VSTM2L: variants seen among roughly 807,000 people sequenced by gnomAD.
The protein encoded by VSTM2L is V-set and transmembrane domain containing 2 like.
In VSTM2L, 9 loss-of-function variants were observed where a neutral mutation model predicts 19.9. That is an observed-to-expected ratio of 0.45 (90% CI 0.27 to 0.79). The LOEUF is 0.79. Ranked by LOEUF, VSTM2L falls within the 30% of genes least tolerant of loss-of-function variation. VSTM2L has a pLI of 0.15. For missense variants in VSTM2L, 286 were observed against 295.5 expected, an observed-to-expected ratio of 0.97 and a Z score of 0.24; for synonymous variants, 127 against 133.8, an observed-to-expected ratio of 0.95 and a Z score of 0.35.
intron 3 of VSTM2L, among the ~76,000 whole-genome samples, chr20:37,940,668 C>T (rs1034437625): frequency 1.3e-5 from 2 of 152,222 alleles, no homozygotes; most frequent in African/African-American, 4.8e-5. Context: ...TATGTGTATT[C>T]ACCCTGCTAT....
intron 1 of VSTM2L, among the ~76,000 whole-genome samples, chr20:37,922,363 A>G (rs1294033385): frequency 6.6e-6 from 1 of 152,040 alleles, no homozygotes; most frequent in African/African-American, 2.4e-5. Flanking sequence ...AAGGCTGAAT[A>G]CTACTCCATT....
chr20:37,942,533 G>T (rs1473673444), intron 3 of VSTM2L, among the ~76,000 whole-genome samples: 1 of 152,188 alleles, frequency 6.6e-6, no homozygotes, highest in Admixed American at 6.5e-5. Context: ...ACCGATAACA[G>T]GTTGTGTCGA....
At chr20:37,930,652 T>C (rs926066360) in intron 1 of VSTM2L, among the ~76,000 whole-genome samples, 1 of 151,660 alleles carries the variant, frequency 6.6e-6, no homozygotes, top group Non-Finnish European at 1.5e-5. Context: ...GTTTTCTCAT[T>C]TACCTGGTGG....
chr20:37,944,165 C>A lies in VSTM2L; in HGVS notation c.527C>A (p.Ala176Asp). The A allele has an allele frequency of 6.4e-7, 1 of 1,562,604 alleles. No homozygotes were observed. The highest frequency in any genetic ancestry group is 1.9e-5 in the Admixed American group (1 of 53,672). Residue 176 changes from alanine to aspartate, a missense_variant, in exon 4 of 4, where the codon GCC (alanine) becomes GAC (aspartate). Transcript: ENST00000373461. ...GENSVLHLPE[A>D]PPAAPAPPPP... is the part of the protein sequence containing the mutation. The stretch of plus-strand genomic sequence containing the variant: ...AACTCCGTCCTGCATCTGCCCGAAG[C>A]CCCTCCCGCCGCGCCCGCCCCGCCG...
chr20:37,931,390 C>G (rs1470036581), intron 1 of VSTM2L, among the ~76,000 whole-genome samples: 1 of 152,138 alleles, frequency 6.6e-6, no homozygotes, highest in African/African-American at 2.4e-5. Context: ...GCTCCAGGGC[C>G]GACACCTACT....
rs541640979 is a variant in VSTM2L, at chr20:37,944,684, A to T, written c.*431A>T. On this transcript the variant is annotated 3_prime_UTR_variant, in exon 4 of 4. Transcript: ENST00000373461. The stretch of plus-strand genomic sequence containing the variant: ...CTTGGACCTGGGGGTGTGGACAGTG[A>T]CCCCTCCCTGAATATGGACTTGAAT... 1.0e-5 allele frequency: 10 copies of T among 997,710 alleles called. No homozygotes were observed. The African/African-American group carries it at 1.6e-4, about 16-fold the overall frequency. 61.8% of individuals were successfully genotyped at this position (997,710 alleles called of 1,614,324 possible). A position where few individuals can be genotyped will look rare whatever the true frequency, so the allele number is the denominator to read the frequency against.
At chr20:37,908,480 C>T (rs2072762879) in intron 1 of VSTM2L, among the ~76,000 whole-genome samples, 1 of 152,218 alleles carries the variant, frequency 6.6e-6, no homozygotes, top group African/African-American at 2.4e-5. Flanking sequence ...CTGGAGGGTA[C>T]TTCTTGGCTT....
intron 1 of VSTM2L, among the ~76,000 whole-genome samples, chr20:37,904,709 A>T (rs2072741829): frequency 6.6e-6 from 1 of 152,184 alleles, no homozygotes; most frequent in Non-Finnish European, 1.5e-5. Context: ...TGGATGATTT[A>T]TTCTGATGGG....
chr20:37,927,051 T>TC (rs1194170829), intron 1 of VSTM2L, among the ~76,000 whole-genome samples: 1 of 152,188 alleles, frequency 6.6e-6, no homozygotes, highest in Non-Finnish European at 1.5e-5. Context: ...CTGCGCCTCC[T>TC]CCTCCCGGGT....
Position 37,942,650 on chromosome 20 carries a change from G to T in VSTM2L, c.343-1331G>T, listed in dbSNP as rs143274591. Among the ~76,000 whole-genome samples, 157 of 152,356 alleles carry T rather than the reference G, an allele frequency of 1.0e-3. 1 individual carries two copies. The highest frequency in any genetic ancestry group is 3.5e-3 in the African/African-American group (146 of 41,586). On this transcript the variant is annotated intron_variant, in intron 3 of 3. Transcript: ENST00000373461. The stretch of plus-strand genomic sequence containing the variant: ...CAGAAAGCGGGGGACCCCAGAGGGG[G>T]AGTATTGCTCAGTGAAGGGTGTGCT...
At chr20:37,933,749 C>T (rs928379173) in intron 3 of VSTM2L, among the ~76,000 whole-genome samples, 160 bp downstream of exon 3, 7 of 152,186 alleles carry the variant, frequency 4.6e-5, no homozygotes, top group Admixed American at 2.0e-4. Flanking sequence ...TTTTAAAAGC[C>T]GGAGATTTTT....
intron 1 of VSTM2L, among the ~76,000 whole-genome samples, chr20:37,915,009 C>T (rs1192378695): frequency 6.6e-6 from 1 of 152,226 alleles, no homozygotes; most frequent in African/African-American, 2.4e-5. Flanking sequence ...TTGAAGGCGG[C>T]GGCAATTAGG....
intron 1 of VSTM2L, among the ~76,000 whole-genome samples, chr20:37,914,267 G>T (rs572381687): frequency 6.7e-6 from 1 of 150,200 alleles, no homozygotes; most frequent in Admixed American, 6.7e-5. Context: ...CTGTGTATGT[G>T]TGGTGTCTGT....
chr20:37,934,032 C>A (rs997481369), intron 3 of VSTM2L, among the ~76,000 whole-genome samples: 1 of 152,212 alleles, frequency 6.6e-6, no homozygotes, highest in Admixed American at 6.5e-5. Context: ...ACTGGCCAGG[C>A]CTTCTTATTT....
intron 3 of VSTM2L, among the ~76,000 whole-genome samples, chr20:37,935,299 G>A (rs1568842401): frequency 6.6e-6 from 1 of 152,220 alleles, no homozygotes; most frequent in Non-Finnish European, 1.5e-5. Context: ...TGCACAGACA[G>A]GCATGGGCCA....
At chr20:37,932,812 C>T (rs901418849) in intron 2 of VSTM2L, among the ~76,000 whole-genome samples, 4 of 152,200 alleles carry the variant, frequency 2.6e-5, no homozygotes, top group Admixed American at 6.5e-5. Context: ...CTAATGAACA[C>T]GCAAACATAG....
At chr20:37,925,833 T>C (rs937932580) in intron 1 of VSTM2L, among the ~76,000 whole-genome samples, 8 of 152,068 alleles carry the variant, frequency 5.3e-5, no homozygotes, top group Non-Finnish European at 1.0e-4. Context: ...TTGAACCTGC[T>C]TCTCTCCCTG....
intron 3 of VSTM2L, among the ~76,000 whole-genome samples, chr20:37,937,005 G>A (rs10470028): frequency 0.021 from 3,219 of 152,090 alleles, 113 homozygotes; most frequent in African/African-American, 0.073. Flanking sequence ...CGGATCATCC[G>A]AGGTCAGGAG....
chr20:37,928,619 G>T (rs1379988746), intron 1 of VSTM2L, among the ~76,000 whole-genome samples: 1 of 152,194 alleles, frequency 6.6e-6, no homozygotes, highest in Non-Finnish European at 1.5e-5. Context: ...GTTGGGCATG[G>T]TGGCTCGTGC....
Sources: gnomAD v4.1 joint callset for allele counts (sites outside exome capture counted in the v4.1 genomes callset) on GRCh38, gnomAD v4.1.1 for gene constraint, MANE v1.5 for transcripts, NCBI Gene and HGNC (gene_info 2026-07-23, HGNC 2026-07-21) for gene names.